Variants in HAPLN2 observed in about 807,000 individuals in gnomAD.
HAPLN2 encodes hyaluronan and proteoglycan link protein 2.
HAPLN2 carries 27 observed loss-of-function variants against 29.3 expected under a neutral mutation model. The ratio of observed to expected loss-of-function variants is 0.92; its 90% CI spans 0.68 to 1.27. The LOEUF is 1.27. Among genes scored for constraint, HAPLN2 ranks in the 50% most tolerant of loss-of-function variants. The pLI is 0.00. For synonymous variants in HAPLN2, 208 were observed against 211.7 expected, an observed-to-expected ratio of 0.98 and a Z score of 0.15; for missense variants, 454 against 484.3, an observed-to-expected ratio of 0.94 and a Z score of 0.59.
chr1:156,603,856 A>T, the HAPLN2 span, among the ~76,000 whole-genome samples: 1 of 152,196 alleles, frequency 6.6e-6, no homozygotes, highest in East Asian at 1.9e-4. Context: ...CCAGGCATTT[A>T]TATCATTGAG....
At chr1:156,604,566 G>A in the HAPLN2 span, among the ~76,000 whole-genome samples, 1,194 of 152,294 alleles carry the variant, frequency 7.8e-3, 10 homozygotes, top group Middle Eastern at 0.041. Flanking sequence ...GGGATTAAAG[G>A]CGGAGCCACC....
the HAPLN2 span, among the ~76,000 whole-genome samples, chr1:156,608,348 A>G: frequency 6.6e-6 from 1 of 152,056 alleles, no homozygotes; most frequent in Non-Finnish European, 1.5e-5. Flanking sequence ...TCCGATCTGG[A>G]TGAAGCCCTG....
At chr1:156,602,935 A>G in the HAPLN2 span, among the ~76,000 whole-genome samples, 8 of 152,082 alleles carry the variant, frequency 5.3e-5, no homozygotes, top group African/African-American at 1.9e-4. Context: ...CCAAACAGAA[A>G]AATCGCCATT....
rs1343433528 is a variant in HAPLN2, at chr1:156,620,047, T to G, written c.-136T>G. ...TCAAGTTCCAGGGTTTTAAGGTGCT[T>G]GGAACTCCCAGGAGCCTGGCAAACC... On this transcript the variant is annotated 5_prime_UTR_variant, in exon 2 of 7. Transcript: ENST00000255039. 2.6e-5 allele frequency: 4 copies of G among 152,168 alleles called. No individual in the cohort carries two copies. The highest frequency in any genetic ancestry group is 9.7e-5 in the African/African-American group (4 of 41,398). 9.4% of individuals were successfully genotyped at this position (152,168 alleles called of 1,614,324 possible).
intron 3 of HAPLN2, 45 bp from the exon 4 acceptor site, chr1:156,623,762 C>A: frequency 1.4e-6 from 2 of 1,470,780 alleles, no homozygotes; most frequent in Non-Finnish European, 1.8e-6. Context: ...GCACTTGGGG[C>A]AGTGAGGATT....
chr1:156,617,264 G>T (rs1184679304), upstream of HAPLN2, among the ~76,000 whole-genome samples: 1 of 151,770 alleles, frequency 6.6e-6, no homozygotes, highest in Non-Finnish European at 1.5e-5. Flanking sequence ...TATTGTGCGT[G>T]ATTTGGGGCA....
chr1:156,619,754 CT>C (rs1254537495), intron 1 of HAPLN2, among the ~76,000 whole-genome samples: 1 of 152,190 alleles, frequency 6.6e-6, no homozygotes, highest in Middle Eastern at 3.2e-3. Flanking sequence ...ACTTTCTGCA[CT>C]CTTCCAGGTC....
intron 2 of HAPLN2, among the ~76,000 whole-genome samples, chr1:156,623,045 T>A (rs2023368): frequency 0.051 from 4,912 of 95,990 alleles, 452 homozygotes; most frequent in South Asian, 0.15. Flanking sequence ...AAAAAATAAA[T>A]AAATAAATAA....
chr1:156,602,075 CCA>C, the HAPLN2 span, among the ~76,000 whole-genome samples: 1 of 151,988 alleles, frequency 6.6e-6, no homozygotes, highest in Non-Finnish European at 1.5e-5. Context: ...GTATCTGGTA[CCA>C]CAGTCATGCA....
upstream of HAPLN2, among the ~76,000 whole-genome samples, chr1:156,616,644 A>G (rs1245898891): frequency 6.6e-6 from 1 of 152,160 alleles, no homozygotes. Context: ...GCAGGAAGCC[A>G]ATCAGATGCA....
the HAPLN2 span, among the ~76,000 whole-genome samples, chr1:156,613,746 T>C: frequency 0.013 from 1,987 of 151,734 alleles, 27 homozygotes; most frequent in Non-Finnish European, 0.02. Context: ...TGAAGCCCCG[T>C]CTCTATTAAA....
intron 1 of HAPLN2, among the ~76,000 whole-genome samples, chr1:156,619,745 C>T (rs182857284): frequency 3.9e-5 from 6 of 152,304 alleles, no homozygotes; most frequent in Admixed American, 2.6e-4. Context: ...AAGCACCTCA[C>T]TTTCTGCACT....
In HAPLN2 at chr1:156,623,874, C is replaced by A; in HGVS notation, c.153C>A (p.Ala51=). The stretch of plus-strand genomic sequence containing the variant: ...AGGTCATTCACTCTCATCGTGGGGC[C>A]ACGGCCACGCTGCCCTGCGTCCTGG... ...IHEVIHSHRG[A]TATLPCVLGT... Residue 51 remains alanine (A), a synonymous_variant, in exon 4 of 7, where the codon GCC becomes GCA. Transcript: ENST00000255039. 6.4e-7 allele frequency: 1 copy of A among 1,569,484 alleles called. No homozygotes were observed. The highest frequency in any genetic ancestry group is 8.6e-7 in the Non-Finnish European group (1 of 1,158,862).
upstream of HAPLN2, among the ~76,000 whole-genome samples, chr1:156,615,557 A>ACT (rs201666308): frequency 1.4e-4 from 20 of 138,208 alleles, no homozygotes; most frequent in East Asian, 6.3e-4. Context: ...ATCCCATCTC[A>ACT]CTCTCTCTCT....
At chr1:156,605,031 C>T in the HAPLN2 span, among the ~76,000 whole-genome samples, 5 of 151,644 alleles carry the variant, frequency 3.3e-5, no homozygotes, top group African/African-American at 4.8e-5. Flanking sequence ...TTTGGGAGGC[C>T]GAGGTGGGAG....
At chr1:156,624,521 C>T in intron 5 of HAPLN2, 54 bp downstream of exon 5, 1 of 1,602,440 alleles carries the variant, frequency 6.2e-7, no homozygotes, top group Non-Finnish European at 8.5e-7. Context: ...CTCAGGGGCC[C>T]GAGAGAGGGC....
the HAPLN2 span, among the ~76,000 whole-genome samples, chr1:156,612,375 T>G: frequency 1.3e-5 from 2 of 152,162 alleles, no homozygotes; most frequent in African/African-American, 4.8e-5. Flanking sequence ...TTAAGTTGCT[T>G]CTTCCTTTTG....
intron 5 of HAPLN2, 45 bp downstream of exon 5, chr1:156,624,512 T>G (rs1171777574): frequency 6.2e-7 from 1 of 1,606,104 alleles, no homozygotes; most frequent in Non-Finnish European, 8.5e-7. Flanking sequence ...CGGAGCTGTC[T>G]CAGGGGCCCG....
chr1:156,624,908 A>AGGGGGGGC, intron 6 of HAPLN2, 125 bp downstream of exon 6: 1 of 1,017,150 alleles, frequency 9.8e-7, no homozygotes, highest in Non-Finnish European at 1.4e-6. Context: ...CCCCCCCATC[A>AGGGGGGGC]GCCCGCCCGC....
Sources: allele counts gnomAD v4.1 joint callset (sites outside exome capture counted in the v4.1 genomes callset), GRCh38; gene constraint gnomAD v4.1.1; transcripts MANE v1.5; gene names NCBI Gene and HGNC (gene_info 2026-07-23, HGNC 2026-07-21).